The following SOX6 variants were observed in gnomAD, a reference collection of about 807,000 sequenced individuals.
SOX6 encodes SRY-box transcription factor 6, also known as transcription factor SOX-6.
A neutral mutation model predicts 97.8 loss-of-function variants in SOX6; 11 were observed. That is an observed-to-expected ratio of 0.11 (90% CI 0.07 to 0.19). The LOEUF is 0.19. Ranked by LOEUF, SOX6 falls within the 10% of genes least tolerant of loss-of-function variation. The probability of loss-of-function intolerance (pLI) is 1.00; values close to 1 mark genes in which losing one functional copy is unlikely to be tolerated. For missense variants in SOX6, 810 were observed against 1,039.5 expected, an observed-to-expected ratio of 0.78 and a Z score of 3.04; for synonymous variants, 360 against 371.4, an observed-to-expected ratio of 0.97 and a Z score of 0.35.
chr11:16,498,819 G>A (rs1860653670), intron 4 of SOX6, among the ~76,000 whole-genome samples: 1 of 152,186 alleles, frequency 6.6e-6, no homozygotes, highest in South Asian at 2.1e-4. Context: ...CAAGTCCTTA[G>A]AGACCTACAA....
At chr11:16,457,983 A>G (rs1859844724) in intron 1 of SOX6, among the ~76,000 whole-genome samples, 1 of 152,056 alleles carries the variant, frequency 6.6e-6, no homozygotes, top group South Asian at 2.1e-4. Context: ...CTTGATGGTG[A>G]TGATAATGAT....
intron 9 of SOX6, among the ~76,000 whole-genome samples, chr11:16,089,124 G>A (rs1368452672): frequency 6.6e-6 from 1 of 152,070 alleles, no homozygotes; most frequent in African/African-American, 2.4e-5. Flanking sequence ...AAGAATTCTA[G>A]TTTAAATCTT....
intron 1 of SOX6, among the ~76,000 whole-genome samples, chr11:16,378,473 T>G (rs1172528805): frequency 6.6e-6 from 1 of 152,054 alleles, no homozygotes; most frequent in Non-Finnish European, 1.5e-5. Flanking sequence ...GCCAAATGAA[T>G]AGGCAGATCA....
chr11:16,305,939 A>G (rs1227635295), intron 3 of SOX6, among the ~76,000 whole-genome samples: 1 of 152,188 alleles, frequency 6.6e-6, no homozygotes. Context: ...ATAGAAGGTG[A>G]GGGATGCTGG....
At chr11:16,471,005 A>G (rs192956843) in intron 1 of SOX6, among the ~76,000 whole-genome samples, 1 of 152,242 alleles carries the variant, frequency 6.6e-6, no homozygotes, top group Admixed American at 6.5e-5. Context: ...AGAATTTTTT[A>G]AAGGAATTCA....
intron 3 of SOX6, among the ~76,000 whole-genome samples, chr11:16,714,672 G>A (rs879697289): frequency 5.3e-5 from 8 of 152,034 alleles, no homozygotes; most frequent in Middle Eastern, 3.4e-3. Context: ...GAATGGTCTC[G>A]ATCTCTTGAC....
intron 4 of SOX6, among the ~76,000 whole-genome samples, chr11:16,541,270 T>C (rs891678815): frequency 1.3e-5 from 2 of 152,170 alleles, no homozygotes; most frequent in African/African-American, 4.8e-5. Flanking sequence ...GCTAGCTATA[T>C]GTAGAAAGCT....
chr11:16,509,650 G>A (rs1260826568), intron 4 of SOX6, among the ~76,000 whole-genome samples: 1 of 152,000 alleles, frequency 6.6e-6, no homozygotes, highest in East Asian at 1.9e-4. Context: ...TCATGATTAT[G>A]CCCAGACAGG....
intron 3 of SOX6, among the ~76,000 whole-genome samples, chr11:16,632,662 A>T (rs1285543891): frequency 2.0e-5 from 3 of 152,224 alleles, no homozygotes; most frequent in Non-Finnish European, 2.9e-5. Flanking sequence ...CGAATAGGTG[A>T]GCACCAAGCA....
At chr11:16,234,810 A>G in intron 3 of SOX6, 139 bp from the exon 4 acceptor site, 1 of 484,756 alleles carries the variant, frequency 2.1e-6, no homozygotes, top group Non-Finnish European at 3.6e-6. Flanking sequence ...ATAGAAAATT[A>G]CATTATTCTA....
intron 3 of SOX6, among the ~76,000 whole-genome samples, chr11:16,285,406 C>T (rs1176927262): frequency 3.3e-5 from 5 of 152,002 alleles, no homozygotes; most frequent in Admixed American, 6.6e-5. Context: ...TGGTGGCACA[C>T]GCCTGTAATC....
intron 6 of SOX6, among the ~76,000 whole-genome samples, chr11:16,155,145 G>T (rs548494251): frequency 2.0e-5 from 3 of 152,076 alleles, no homozygotes; most frequent in South Asian, 2.1e-4. Context: ...TGAGTCTACA[G>T]GTTTTTCAAT....
At chr11:16,154,931 T>A (rs922444226) in intron 6 of SOX6, among the ~76,000 whole-genome samples, 4 of 152,098 alleles carry the variant, frequency 2.6e-5, no homozygotes, top group Non-Finnish European at 5.9e-5. Flanking sequence ...GCATTCCTCA[T>A]TTACAAGTCG....
At chr11:16,065,880 A>G (rs532651302) in intron 9 of SOX6, among the ~76,000 whole-genome samples, 2 of 152,310 alleles carry the variant, frequency 1.3e-5, no homozygotes, top group South Asian at 2.1e-4. Context: ...AATATCCCAC[A>G]AGAACAGGCA....
chr11:16,128,859 T>TTATG (rs1849669867), intron 6 of SOX6, among the ~76,000 whole-genome samples: 1 of 152,014 alleles, frequency 6.6e-6, no homozygotes, highest in Non-Finnish European at 1.5e-5. Context: ...TTTATCTTTT[T>TTATG]TATTTATTTA....
intron 3 of SOX6, among the ~76,000 whole-genome samples, chr11:16,653,679 C>T (rs981911304): frequency 1.3e-5 from 2 of 152,104 alleles, no homozygotes; most frequent in African/African-American, 4.8e-5. Context: ...GTGTACACTG[C>T]TTGGGTGATG....
intron 2 of SOX6, among the ~76,000 whole-genome samples, chr11:16,720,544 G>A (rs1479079408): frequency 8.3e-6 from 1 of 119,798 alleles, no homozygotes; most frequent in Non-Finnish European, 1.7e-5. Flanking sequence ...GGCCTGTTGT[G>A]GGGTGGGGGG....
intron 3 of SOX6, among the ~76,000 whole-genome samples, chr11:16,656,170 C>T (rs1050661429): frequency 1.3e-5 from 2 of 152,060 alleles, no homozygotes; most frequent in Non-Finnish European, 1.5e-5. Context: ...CCTCCGACTC[C>T]CTGGTTCAGC....
At chr11:16,008,187 A>G (rs1003929464) in intron 13 of SOX6, among the ~76,000 whole-genome samples, 1 of 152,102 alleles carries the variant, frequency 6.6e-6, no homozygotes, top group Non-Finnish European at 1.5e-5. Flanking sequence ...TTAGGAAATA[A>G]TCACATGGAA....
Sources: allele counts gnomAD v4.1 joint callset (sites outside exome capture counted in the v4.1 genomes callset), GRCh38; gene constraint gnomAD v4.1.1; transcripts MANE v1.5; gene names NCBI Gene and HGNC (gene_info 2026-07-23, HGNC 2026-07-21).